The following TF variants were observed in gnomAD, a reference collection of about 807,000 sequenced individuals.
TF encodes the protein serotransferrin.
TF carries 55 observed loss-of-function variants against 82.4 expected under a neutral mutation model. That is an observed-to-expected ratio of 0.67 (90% CI 0.54 to 0.84). The LOEUF (loss-of-function observed/expected upper bound fraction) is 0.84. TF is among the 40% of genes least tolerant of loss of function. The pLI is 0.00. For missense variants in TF, 737 were observed against 868.4 expected (o/e 0.85, Z 1.90); for synonymous variants, 332 against 332.6 (o/e 1.00, Z 0.02).
At chr3:133,713,405 A>G in the TF span, among the ~76,000 whole-genome samples, 1 of 152,170 alleles carries the variant, frequency 6.6e-6, no homozygotes, top group Non-Finnish European at 1.5e-5. Context: ...ATGGGAGGCA[A>G]CACAAGAGAG....
At chr3:133,745,772 G>T (rs1470461846), upstream of TF, among the ~76,000 whole-genome samples, 1 of 152,174 alleles carries the variant, frequency 6.6e-6, no homozygotes, top group Non-Finnish European at 1.5e-5. Flanking sequence ...AAGCTTGAGG[G>T]CGGGAAGTTT....
chr3:133,724,606 G>T, the TF span, among the ~76,000 whole-genome samples: 3 of 152,210 alleles, frequency 2.0e-5, no homozygotes, highest in African/African-American at 7.2e-5. Flanking sequence ...TTTGTAGGCT[G>T]CCTGTTCACT....
the TF span, among the ~76,000 whole-genome samples, chr3:133,736,624 G>A: frequency 1.8e-4 from 5 of 27,278 alleles, no homozygotes; most frequent in Admixed American, 1.0e-3. Flanking sequence ...CCAAGCAAAT[G>A]GAAAGCCAAA....
the TF span, among the ~76,000 whole-genome samples, chr3:133,677,348 T>C: frequency 1.3e-5 from 2 of 152,138 alleles, no homozygotes; most frequent in Non-Finnish European, 2.9e-5. Context: ...CTTTTAAAAA[T>C]CATTTATTGG....
chr3:133,777,227 G>A lies in TF; in HGVS notation c.2051G>A (p.Cys684Tyr). 6.2e-7 allele frequency: 1 copy of A among 1,612,620 alleles called. No homozygotes were observed. Among genetic ancestry groups the A allele is most frequent in the Non-Finnish European group, 8.5e-7 (1 of 1,179,972 alleles). ...AAGGCTGTTGGTAACCTGAGAAAAT[G>A]CTCCACCTCATGTGAGTAGGAGGAA... ...YVKAVGNLRKCSTSSLLEACT... is the reference protein window; with the variant it reads ...YVKAVGNLRKYSTSSLLEACT... Residue 684 changes from cysteine (C) to tyrosine (Y), a missense_variant, in exon 16 of 17, where the codon TGC becomes TAC. Cys to Tyr is a radical substitution (Grantham distance 194). Transcript: ENST00000402696.
intron 15 of TF, 70 bp downstream of exon 15, chr3:133,775,687 A>G (rs1934372002): frequency 1.3e-6 from 2 of 1,509,352 alleles, no homozygotes; most frequent in South Asian, 1.1e-5. Flanking sequence ...GGAGTTTACA[A>G]CAAAGTGCAG....
chr3:133,702,887 G>A, the TF span, among the ~76,000 whole-genome samples: 1 of 152,102 alleles, frequency 6.6e-6, no homozygotes, highest in South Asian at 2.1e-4. Context: ...TCTACTAAAT[G>A]TGTCAATTGT....
the TF span, among the ~76,000 whole-genome samples, chr3:133,698,869 A>G: frequency 6.6e-6 from 1 of 152,218 alleles, no homozygotes; most frequent in Non-Finnish European, 1.5e-5. Flanking sequence ...TCATCTTTGT[A>G]CCTGCAGGTT....
chr3:133,793,640 CA>C lies in TF; in HGVS notation c.*15021del, dbSNP rs1284599370. On this transcript the variant is annotated 3_prime_UTR_variant, in exon 17 of 17. Coordinates refer to ENST00000402696, the MANE Select transcript of TF (RefSeq NM_001063.4). ...TTATGATTATTATGTTATTGTAGACCACAGAAATAACCAAATTTCCTTGTCA... is the reference window on the plus strand; with the variant it reads ...TTATGATTATTATGTTATTGTAGACCCAGAAATAACCAAATTTCCTTGTCA... 1 of 151,914 alleles carries C rather than the reference CA, an allele frequency of 6.6e-6. No individual in the cohort carries two copies. The highest frequency in any genetic ancestry group is 1.5e-5 in the Non-Finnish European group (1 of 67,974). 9.4% of individuals were successfully genotyped at this position (151,914 alleles called of 1,614,324 possible).
At chr3:133,727,546 T>C in the TF span, among the ~76,000 whole-genome samples, 3 of 109,144 alleles carry the variant, frequency 2.7e-5, no homozygotes, top group Non-Finnish European at 5.7e-5. Flanking sequence ...AGCCTATGTG[T>C]GTCTCTGCAC....
At chr3:133,743,718 G>C (rs1559864771), upstream of TF, among the ~76,000 whole-genome samples, 1 of 152,164 alleles carries the variant, frequency 6.6e-6, no homozygotes, top group Non-Finnish European at 1.5e-5. Context: ...AAGGGACAGT[G>C]ATTCTCCAAC....
the TF span, among the ~76,000 whole-genome samples, chr3:133,702,352 G>A: frequency 1.3e-5 from 2 of 152,118 alleles, no homozygotes; most frequent in Non-Finnish European, 2.9e-5. Flanking sequence ...GTCCCAGGAA[G>A]TAGGGTGACA....
chr3:133,725,087 C>G, the TF span, among the ~76,000 whole-genome samples: 4 of 152,154 alleles, frequency 2.6e-5, no homozygotes, highest in Admixed American at 2.6e-4. Context: ...AATCAGGTAG[C>G]GTGATGCCTC....
chr3:133,684,476 AAGAG>A, the TF span, among the ~76,000 whole-genome samples: 1 of 152,212 alleles, frequency 6.6e-6, no homozygotes, highest in Non-Finnish European at 1.5e-5. Flanking sequence ...TAAAGAAAAA[AAGAG>A]AGAAGAATCA....
the TF span, among the ~76,000 whole-genome samples, chr3:133,697,400 T>A: frequency 1.3e-5 from 2 of 152,256 alleles, no homozygotes; most frequent in Non-Finnish European, 2.9e-5. Flanking sequence ...TTTCAAATAA[T>A]TATTATGTCC....
the TF span, among the ~76,000 whole-genome samples, chr3:133,733,204 T>C: frequency 6.6e-6 from 1 of 152,226 alleles, no homozygotes; most frequent in African/African-American, 2.4e-5. Context: ...CTTTATGCCA[T>C]GCTGTCAAAA....
Position 133,791,673 on chromosome 3 carries a change from C to T in TF, c.*13053C>T, listed in dbSNP as rs753569188. The T allele has an allele frequency of 6.6e-6, 1 of 152,136 alleles. No homozygotes were observed. Among genetic ancestry groups the T allele is most frequent in the Admixed American group, 6.5e-5 (1 of 15,268 alleles). The allele number at this position is 152,136 out of a possible 1,614,324, so 9.4% of individuals were successfully genotyped here. A position where few individuals can be genotyped will look rare whatever the true frequency, so the allele number is the denominator to read the frequency against. On this transcript the variant is annotated 3_prime_UTR_variant, in exon 17 of 17. Coordinates refer to ENST00000402696, the MANE Select transcript of TF (RefSeq NM_001063.4). ...AATGTGTGCTTAGGACCCCATAGAC[C>T]TGCTGTTCAAGACACACCAGCAGAC...
rs952735420 is a variant in TF, at chr3:133,793,385, T to C, written c.*14765T>C. On this transcript the variant is annotated 3_prime_UTR_variant, in exon 17 of 17. Transcript: ENST00000402696. ...CCAAAATCAAATTTCAGCTTCAAAA[T>C]TGTCTTTTCTAACCTCTAACTTTGA... is the stretch of plus-strand genomic sequence containing the variant. 12 of 152,114 alleles carry C rather than the reference T, an allele frequency of 7.9e-5. No individual in the cohort carries two copies. Among genetic ancestry groups the C allele is most frequent in the African/African-American group, 2.9e-4 (12 of 41,450 alleles). The allele number at this position is 152,114 out of a possible 1,614,324, so 9.4% of individuals were successfully genotyped here.
In TF at chr3:133,777,253, C is replaced by T. The variant is rs372616089; in HGVS notation, c.2062+15C>T. On this transcript the variant is annotated intron_variant, in intron 16 of 16. Coordinates refer to ENST00000402696, the MANE Select transcript of TF (RefSeq NM_001063.4). ...CTCCACCTCATGTGAGTAGGAGGAA[C>T]AGCATGGGGAAGTGGCAACCAAACA... 2.2e-5 allele frequency: 36 copies of T among 1,609,246 alleles called. No homozygotes were observed. The highest frequency in any genetic ancestry group is 3.0e-5 in the Non-Finnish European group (35 of 1,179,628).
Sources: allele counts gnomAD v4.1 joint callset (sites outside exome capture counted in the v4.1 genomes callset), GRCh38; gene constraint gnomAD v4.1.1; transcripts MANE v1.5; gene names NCBI Gene and HGNC (gene_info 2026-07-23, HGNC 2026-07-21).